The following EBF2 variants were observed in gnomAD, a reference collection of about 807,000 sequenced individuals.
The protein encoded by EBF2 is EBF transcription factor 2.
EBF2 carries 21 observed loss-of-function variants against 72.8 expected under a neutral mutation model. The observed-to-expected ratio is 0.29, with a 90% confidence interval of 0.20 to 0.42. EBF2 has a LOEUF of 0.42. EBF2 is among the 10% of genes least tolerant of loss of function. The probability of loss-of-function intolerance (pLI) is 1.00; values close to 1 mark genes in which losing one functional copy is unlikely to be tolerated. For missense variants in EBF2, 637 were observed against 731.2 expected, an observed-to-expected ratio of 0.87 and a Z score of 1.49; for synonymous variants, 299 against 274.2, an observed-to-expected ratio of 1.09 and a Z score of -0.89.
intron 14 of EBF2, among the ~76,000 whole-genome samples, chr8:25,851,060 T>C (rs1801958812): frequency 6.6e-6 from 1 of 151,978 alleles, no homozygotes; most frequent in South Asian, 2.1e-4. Flanking sequence ...GAAGTGATGT[T>C]AGCACAGGTC....
At chr8:25,986,007 A>AAAAAAAAAAAAAAAAAG (rs1804447222) in intron 6 of EBF2, among the ~76,000 whole-genome samples, 1 of 142,738 alleles carries the variant, frequency 7.0e-6, no homozygotes, top group Non-Finnish European at 1.5e-5. Flanking sequence ...GTCTCAAAAA[A>AAAAAAAAAAAAAAAAAG]AAAAAAAAAA....
intron 6 of EBF2, among the ~76,000 whole-genome samples, chr8:25,923,728 C>T (rs1225404976): frequency 6.6e-6 from 1 of 152,154 alleles, no homozygotes; most frequent in South Asian, 2.1e-4. Context: ...CTAGTGAGGG[C>T]CAGGTCATGG....
chr8:25,995,624 A>G (rs1804612676), intron 6 of EBF2, among the ~76,000 whole-genome samples: 1 of 152,178 alleles, frequency 6.6e-6, no homozygotes, highest in African/African-American at 2.4e-5. Flanking sequence ...AATGAATTTT[A>G]TGGTATGTAA....
chr8:25,905,120 A>C (rs1166005718), intron 7 of EBF2, among the ~76,000 whole-genome samples: 2 of 152,214 alleles, frequency 1.3e-5, no homozygotes, highest in Non-Finnish European at 2.9e-5. Flanking sequence ...ATCATTAAGG[A>C]AATGCAAATC....
chr8:25,977,194 G>A (rs1348258427), intron 6 of EBF2, among the ~76,000 whole-genome samples: 1 of 152,180 alleles, frequency 6.6e-6, no homozygotes, highest in African/African-American at 2.4e-5. Context: ...GGGAGAAGTG[G>A]CTCGGGGTAC....
chr8:25,952,722 T>C (rs879277182), intron 6 of EBF2, among the ~76,000 whole-genome samples: 5 of 152,236 alleles, frequency 3.3e-5, no homozygotes, highest in African/African-American at 7.2e-5. Flanking sequence ...CCCAAGTGAA[T>C]GTGCATCTCT....
intron 6 of EBF2, among the ~76,000 whole-genome samples, chr8:25,937,023 GA>G (rs1434836453): frequency 6.6e-6 from 1 of 152,198 alleles, no homozygotes. Context: ...AATTGGAGCT[GA>G]TTTTTGGTAA....
At chr8:25,861,963 T>A (rs1014505282) in intron 11 of EBF2, among the ~76,000 whole-genome samples, 13 of 152,220 alleles carry the variant, frequency 8.5e-5, no homozygotes, top group Non-Finnish European at 1.6e-4. Context: ...TTTAAATTGC[T>A]ATTAACCTAC....
At chr8:26,021,426 G>A (rs1367033020) in intron 6 of EBF2, among the ~76,000 whole-genome samples, 2 of 152,202 alleles carry the variant, frequency 1.3e-5, no homozygotes, top group African/African-American at 4.8e-5. Flanking sequence ...AGCATATGCT[G>A]ATTGGGTCTG....
Position 25,850,655 on chromosome 8 carries a change from G to A in EBF2, c.1635C>T (p.Val545=), listed in dbSNP as rs1801948211. The change falls in exon 15 of 16, where the codon GTC becomes GTT. Residue 545 remains valine (V), a synonymous_variant. Transcript: ENST00000520164. ...GTGAAGGGGAGCCTTGGGGCCTGAT[G>A]ACAGGGGCAAAGGCACTCTTCTGTT... ...AVKQKSAFAP[V]IRPQGSPSPA... is the part of the protein sequence containing the mutation. The A allele has an allele frequency of 2.6e-6, 4 of 1,567,396 alleles. No homozygotes were observed. The highest frequency in any genetic ancestry group is 3.4e-6 in the Non-Finnish European group (4 of 1,164,656).
chr8:25,861,441 A>G, intron 11 of EBF2, 67 bp from the exon 12 acceptor site: 4 of 1,575,034 alleles, frequency 2.5e-6, no homozygotes, highest in Non-Finnish European at 3.5e-6. Flanking sequence ...AAAGAAAATT[A>G]TAGGCAAAAA....
At chr8:25,899,079 T>C (rs1428138272) in intron 7 of EBF2, among the ~76,000 whole-genome samples, 1 of 152,164 alleles carries the variant, frequency 6.6e-6, no homozygotes, top group Non-Finnish European at 1.5e-5. Flanking sequence ...TCAGTCAAGA[T>C]TTCTGTCATC....
At chr8:25,996,295 CAAAA>C (rs72054331) in intron 6 of EBF2, among the ~76,000 whole-genome samples, 6 of 125,500 alleles carry the variant, frequency 4.8e-5, no homozygotes, top group Admixed American at 8.1e-5. Flanking sequence ...GACCCTGTCT[CAAAA>C]AAAAAAAAAA....
intron 6 of EBF2, among the ~76,000 whole-genome samples, chr8:25,939,702 G>T (rs940077222): frequency 6.6e-6 from 1 of 152,078 alleles, no homozygotes; most frequent in African/African-American, 2.4e-5. Context: ...ATGTGACCAG[G>T]GACAAATCAC....
intron 6 of EBF2, among the ~76,000 whole-genome samples, chr8:25,962,877 T>C (rs1804057282): frequency 6.6e-6 from 1 of 152,202 alleles, no homozygotes; most frequent in Non-Finnish European, 1.5e-5. Context: ...TTCTCTTTTG[T>C]CTCTTGGCCC....
At chr8:25,953,399 T>C (rs1441469342) in intron 6 of EBF2, among the ~76,000 whole-genome samples, 1 of 152,198 alleles carries the variant, frequency 6.6e-6, no homozygotes, top group Non-Finnish European at 1.5e-5. Context: ...TTGCATTTAA[T>C]TGCATTTCCA....
intron 7 of EBF2, among the ~76,000 whole-genome samples, chr8:25,890,973 C>G (rs1462562795): frequency 6.6e-6 from 1 of 152,200 alleles, no homozygotes; most frequent in East Asian, 1.9e-4. Context: ...CCATGCTGGG[C>G]TTGACCAGAC....
intron 8 of EBF2, among the ~76,000 whole-genome samples, chr8:25,888,652 A>G (rs1189964039): frequency 6.6e-6 from 1 of 151,910 alleles, no homozygotes; most frequent in Non-Finnish European, 1.5e-5. Flanking sequence ...ATTTCTAATC[A>G]CTCTACTAAC....
At chr8:26,027,161 T>A (rs1441386988) in intron 6 of EBF2, among the ~76,000 whole-genome samples, 3 of 152,160 alleles carry the variant, frequency 2.0e-5, no homozygotes, top group Non-Finnish European at 4.4e-5. Context: ...CTCCAACTAC[T>A]ACCCAAATTC....
Sources: allele counts gnomAD v4.1 joint callset (sites outside exome capture counted in the v4.1 genomes callset), GRCh38; gene constraint gnomAD v4.1.1; transcripts MANE v1.5; gene names NCBI Gene and HGNC (gene_info 2026-07-23, HGNC 2026-07-21).